The following MYO18B variants were observed in gnomAD, a reference collection of about 807,000 sequenced individuals.
The protein encoded by MYO18B is myosin XVIIIB, also known as unconventional myosin-XVIIIb.
In MYO18B, 204 loss-of-function variants were observed where a neutral mutation model predicts 273.0. The observed-to-expected ratio is 0.75, with a 90% CI of 0.67 to 0.84. The LOEUF is 0.84. Ranked by LOEUF, MYO18B falls within the 40% of genes least tolerant of loss-of-function variation. The pLI is 0.00. For synonymous variants in MYO18B, 1,330 were observed against 1,305.7 expected (o/e 1.02, Z -0.40); for missense variants, 3,212 against 3,287.6 (o/e 0.98, Z 0.56).
intron 29 of MYO18B, chr22:25,898,951 A>G (rs983221931): frequency 3.2e-5 from 5 of 155,552 alleles, no homozygotes; most frequent in African/African-American, 1.2e-4. Context: ...TGATGCAGTC[A>G]GTACATCTAA....
chr22:25,901,806 GT>G (rs34278088), intron 29 of MYO18B, among the ~76,000 whole-genome samples: 16,413 of 92,362 alleles, frequency 0.18, 618 homozygotes, highest in Middle Eastern at 0.2. Context: ...TTTTGGGTTG[GT>G]TTTTTTTTTT....
intron 35 of MYO18B, among the ~76,000 whole-genome samples, 184 bp downstream of exon 35, chr22:25,946,434 G>T (rs2092713533): frequency 6.6e-6 from 1 of 151,970 alleles, no homozygotes; most frequent in African/African-American, 2.4e-5. Context: ...TCTGTAAGAG[G>T]GACAAGGGGA....
At chr22:25,755,616 G>A (rs956359610) in intron 1 of MYO18B, among the ~76,000 whole-genome samples, 1 of 152,224 alleles carries the variant, frequency 6.6e-6, no homozygotes, top group South Asian at 2.1e-4. Flanking sequence ...CCTAGTGGGA[G>A]GTGTTTGGGT....
intron 5 of MYO18B, among the ~76,000 whole-genome samples, chr22:25,770,671 C>A (rs751901071): frequency 4.6e-5 from 7 of 152,182 alleles, no homozygotes; most frequent in Non-Finnish European, 1.0e-4. Flanking sequence ...TAAGGTGAGT[C>A]AGACTTAGCC....
intron 40 of MYO18B, among the ~76,000 whole-genome samples, chr22:25,996,920 T>A (rs538867016): frequency 6.6e-6 from 1 of 152,236 alleles, no homozygotes; most frequent in South Asian, 2.1e-4. Context: ...ACCTTTCTTC[T>A]CCTCTGAAGA....
chr22:25,845,065 A>G (rs1250283594), intron 18 of MYO18B, among the ~76,000 whole-genome samples: 5 of 152,198 alleles, frequency 3.3e-5, no homozygotes, highest in Non-Finnish European at 1.5e-5. Context: ...CCTCAGTTTC[A>G]TAATCTGAGA....
intron 11 of MYO18B, 125 bp from the exon 12 acceptor site, chr22:25,797,828 G>A: frequency 1.5e-6 from 2 of 1,346,162 alleles, no homozygotes; most frequent in Admixed American, 3.5e-5. Flanking sequence ...TTAATTGTGG[G>A]TAATTTATTG....
intron 21 of MYO18B, among the ~76,000 whole-genome samples, chr22:25,860,412 C>T (rs969295322): frequency 6.6e-6 from 1 of 151,762 alleles, no homozygotes; most frequent in Non-Finnish European, 1.5e-5. Context: ...TCTACTTTTC[C>T]TGGTTTCTTA....
At chr22:25,765,345 C>T (rs2086466671) in intron 3 of MYO18B, among the ~76,000 whole-genome samples, 1 of 152,228 alleles carries the variant, frequency 6.6e-6, no homozygotes, top group East Asian at 1.9e-4. Context: ...CTTGCCTTGT[C>T]CCAGCACAAC....
At chr22:26,040,618 A>G in the MYO18B span, among the ~76,000 whole-genome samples, 2 of 152,176 alleles carry the variant, frequency 1.3e-5, no homozygotes, top group Non-Finnish European at 2.9e-5. Context: ...TGGGCAGGAG[A>G]AGGCCTCCTT....
chr22:25,773,064 G>A (rs981212835), intron 7 of MYO18B, among the ~76,000 whole-genome samples: 3 of 152,046 alleles, frequency 2.0e-5, no homozygotes, highest in East Asian at 1.9e-4. Context: ...TTTTTTCCTC[G>A]GAAGTGTAGA....
At chr22:25,988,003 G>T (rs9613064) in intron 39 of MYO18B, among the ~76,000 whole-genome samples, 2 of 152,134 alleles carry the variant, frequency 1.3e-5, no homozygotes, top group Non-Finnish European at 2.9e-5. Context: ...TAACAGAGAA[G>T]ACTAAGCTCA....
At chr22:26,045,894 A>G in the MYO18B span, among the ~76,000 whole-genome samples, 2 of 152,240 alleles carry the variant, frequency 1.3e-5, no homozygotes, top group South Asian at 4.1e-4. Context: ...GGCTTCTGTG[A>G]GTGTTTGTTA....
intron 12 of MYO18B, among the ~76,000 whole-genome samples, chr22:25,817,176 G>T (rs966990004): frequency 2.6e-5 from 4 of 152,024 alleles, no homozygotes; most frequent in African/African-American, 9.7e-5. Flanking sequence ...ACTTTCCCTT[G>T]TTCCTTTTCC....
At chr22:26,039,573 C>T in the MYO18B span, among the ~76,000 whole-genome samples, 1 of 152,108 alleles carries the variant, frequency 6.6e-6, no homozygotes, top group African/African-American at 2.4e-5. Context: ...CCACAGCCTC[C>T]TACACACCTG....
Position 25,828,814 on chromosome 22 carries a change from T to C in MYO18B, c.2825T>C (p.Met942Thr). The change falls in exon 15 of 44, where the codon ATG (methionine) becomes ACG (threonine). Residue 942 changes from methionine (M) to threonine (T), a missense_variant. Coordinates refer to ENST00000335473, the MANE Select transcript of MYO18B (RefSeq NM_032608.7). ...CACCATCTCTCCATGGCCTCCATCA[T>C]GGTGGTGGACTCTCCAGGCTTCCAG... ...SSHHLSMASI[M>T]VVDSPGFQNP... The C allele has an allele frequency of 9.3e-6, 15 of 1,613,936 alleles. No homozygotes were observed. In the South Asian group the frequency reaches 1.4e-4, roughly 15 times the overall value.
rs543730908 is a variant in MYO18B at position 25,815,099 on chromosome 22, C to T, written c.2522-8406C>T. Among the ~76,000 whole-genome samples, 8 of 152,344 alleles carry T rather than the reference C, an allele frequency of 5.3e-5. No individual in the cohort carries two copies. The East Asian group carries it at 5.8e-4, about 11-fold the overall frequency. On this transcript the variant is annotated intron_variant, in intron 12 of 43. Transcript: ENST00000335473. ...ATTATGTGCTTAGCACAGGCTCAGACGCATGGTGAGTACTCAGAAAATGCC... is the reference window on the plus strand; with the variant it reads ...ATTATGTGCTTAGCACAGGCTCAGATGCATGGTGAGTACTCAGAAAATGCC...
intron 33 of MYO18B, among the ~76,000 whole-genome samples, chr22:25,919,045 C>A (rs1057131381): frequency 1.3e-5 from 2 of 152,094 alleles, no homozygotes; most frequent in Admixed American, 6.6e-5. Context: ...TGTAACCTGC[C>A]CCTCAACTCG....
At chr22:26,016,835 C>G (rs1381237824) in intron 42 of MYO18B, among the ~76,000 whole-genome samples, 1 of 152,152 alleles carries the variant, frequency 6.6e-6, no homozygotes, top group Non-Finnish European at 1.5e-5. Flanking sequence ...CAGGAGAGGC[C>G]CCAGCCCAGG....
Sources: gnomAD v4.1 joint callset for allele counts (sites outside exome capture counted in the v4.1 genomes callset) on GRCh38, gnomAD v4.1.1 for gene constraint, MANE v1.5 for transcripts, NCBI Gene and HGNC (gene_info 2026-07-23, HGNC 2026-07-21) for gene names.